Variants in PATJ observed in about 807,000 individuals in gnomAD.
The protein encoded by PATJ is inaD-like protein.
PATJ carries 190 observed loss-of-function variants against 224.9 expected under a neutral mutation model. The ratio of observed to expected loss-of-function variants is 0.84; its 90% confidence interval spans 0.75 to 0.95. The LOEUF (loss-of-function observed/expected upper bound fraction) is 0.95, where lower values mean the gene tolerates loss of function less well. PATJ is among the 40% of genes least tolerant of loss of function. The pLI is 0.00. For missense variants in PATJ, 2,121 were observed against 2,270.3 expected (o/e 0.93, Z 1.34); for synonymous variants, 769 against 820.3 (o/e 0.94, Z 1.07).
At position 61,875,351 on chromosome 1, in the gene PATJ, A is replaced by C. The variant is rs754966939; in HGVS notation, c.2944A>C (p.Thr982Pro). Residue 982 changes from threonine to proline, a missense_variant, in exon 21 of 44, where the codon ACT becomes CCT. Coordinates refer to ENST00000642238, the MANE Select transcript of PATJ (RefSeq NM_001350145.3). ...DLENLNSLAK[T>P]SLDLGMIPND... ...GGAAAATCTTAATTCATTAGCAAAA[A>C]CTAGTCTGGATTTAGGTTTGTGACT... 1.9e-5 allele frequency: 31 copies of C among 1,608,876 alleles called. No homozygotes were observed. Among genetic ancestry groups the C allele is most frequent in the Non-Finnish European group, 2.6e-5 (31 of 1,178,138 alleles).
intron 27 of PATJ, among the ~76,000 whole-genome samples, chr1:61,972,678 A>G (rs546095912): frequency 6.6e-6 from 1 of 152,116 alleles, no homozygotes; most frequent in Admixed American, 6.5e-5. Context: ...CTTCTGGTAC[A>G]TATAACTACT....
intron 12 of PATJ, 108 bp downstream of exon 12, chr1:61,801,877 A>G (rs1245792582): frequency 1.4e-6 from 1 of 713,106 alleles, no homozygotes; most frequent in Non-Finnish European, 2.1e-6. Flanking sequence ...TTTTGGAGAC[A>G]TAAAATAGGA....
chr1:61,927,808 G>C lies in PATJ; in HGVS notation c.3649G>C (p.Glu1217Gln). The C allele has an allele frequency of 6.2e-7, 1 of 1,612,940 alleles. No individual in the cohort carries two copies. The highest frequency in any genetic ancestry group is 2.2e-5 in the East Asian group (1 of 44,832). Residue 1217 changes from glutamate (E) to glutamine (Q), a missense_variant, in exon 27 of 44, where the codon GAA becomes CAA. By Grantham distance (29) the Glu-to-Gln change is conservative. Transcript: ENST00000642238. ...ALTDDSDENE[E>Q]EDAFTDQKIR... The stretch of plus-strand genomic sequence containing the variant: ...GACTGATGACAGTGATGAAAATGAA[G>C]AAGAAGATGCCTTTACCGACCGTGA...
At chr1:61,791,557 C>A in intron 9 of PATJ, 110 bp downstream of exon 9, 1 of 648,162 alleles carries the variant, frequency 1.5e-6, no homozygotes, top group Non-Finnish European at 2.6e-6. Flanking sequence ...AACAATAAAA[C>A]CATGAGTCTA....
intron 28 of PATJ, among the ~76,000 whole-genome samples, chr1:62,012,395 C>T (rs542609345): frequency 2.0e-5 from 3 of 152,224 alleles, no homozygotes; most frequent in African/African-American, 2.4e-5. Context: ...GAGTTTAGCA[C>T]GGTGTTCTGC....
chr1:62,157,073 C>T (rs1669300122), intron 43 of PATJ, among the ~76,000 whole-genome samples: 1 of 152,042 alleles, frequency 6.6e-6, no homozygotes, highest in Non-Finnish European at 1.5e-5. Context: ...CCTGTAATCC[C>T]AGCACTTTGG....
At chr1:62,028,513 T>C (rs1462762549) in intron 29 of PATJ, among the ~76,000 whole-genome samples, 1 of 152,172 alleles carries the variant, frequency 6.6e-6, no homozygotes, top group Non-Finnish European at 1.5e-5. Context: ...GTGTGGTGGC[T>C]CACGCCTGTC....
At chr1:62,148,141 A>AAAAAAAAAAAT in intron 41 of PATJ, 143 bp from the exon 42 acceptor site, 3 of 471,914 alleles carry the variant, frequency 6.4e-6, no homozygotes, top group Non-Finnish European at 7.8e-6. Context: ...AAAAAAAAAA[A>AAAAAAAAAAAT]GTTTGAGAGA....
intron 14 of PATJ, among the ~76,000 whole-genome samples, chr1:61,813,351 A>G (rs1323505264): frequency 4.9e-5 from 2 of 41,098 alleles, no homozygotes; most frequent in Admixed American, 6.6e-4. Flanking sequence ...ATATATATAT[A>G]TATATATATA....
intron 32 of PATJ, 123 bp from the exon 33 acceptor site, chr1:62,084,392 T>G (rs1570513087): frequency 1.0e-6 from 1 of 999,760 alleles, no homozygotes; most frequent in South Asian, 2.0e-5. Flanking sequence ...TGCTTCATGG[T>G]GTTTGGCAGG....
chr1:61,997,070 TA>T (rs1645410305), intron 28 of PATJ, among the ~76,000 whole-genome samples: 1 of 148,166 alleles, frequency 6.7e-6, no homozygotes, highest in African/African-American at 2.5e-5. Context: ...GCTAAAAGTG[TA>T]AAAATAAATT....
chr1:62,117,044 T>G, intron 36 of PATJ, 88 bp from the exon 37 acceptor site: 1 of 1,081,814 alleles, frequency 9.2e-7, no homozygotes, highest in Non-Finnish European at 1.4e-6. Flanking sequence ...CTTTTATAAT[T>G]TGTGGCTGCA....
At chr1:61,906,199 G>A (rs1414496750) in intron 24 of PATJ, among the ~76,000 whole-genome samples, 1 of 152,174 alleles carries the variant, frequency 6.6e-6, no homozygotes, top group Non-Finnish European at 1.5e-5. Context: ...ATGCAGAGGA[G>A]GGCACAGAGC....
chr1:61,750,905 C>A (rs1645286187), intron 1 of PATJ, among the ~76,000 whole-genome samples: 1 of 152,124 alleles, frequency 6.6e-6, no homozygotes, highest in African/African-American at 2.4e-5. Flanking sequence ...TGAACCCCTT[C>A]CCCATGGAAT....
At position 61,791,333 on chromosome 1, in the gene PATJ, GT is replaced by G; in HGVS notation, c.1069-9del. On this transcript the variant is annotated splice_polypyrimidine_tract_variant and intron_variant, in intron 8 of 43. Transcript: ENST00000642238. ...CCACTAAGCATATATAATTAAATTTGTTTTTTCCTTTTAGGACAGTTCTCTT... is the reference window on the plus strand; with the variant it reads ...CCACTAAGCATATATAATTAAATTTGTTTTTCCTTTTAGGACAGTTCTCTT... The G allele has an allele frequency of 6.7e-7, 1 of 1,497,722 alleles. No homozygotes were observed. Among genetic ancestry groups the G allele is most frequent in the Non-Finnish European group, 9.3e-7 (1 of 1,075,770 alleles). The allele number at this position is 1,497,722 out of a possible 1,614,324, so 92.8% of individuals were successfully genotyped here.
intron 17 of PATJ, among the ~76,000 whole-genome samples, chr1:61,855,284 A>G (rs916445842): frequency 7.2e-5 from 11 of 152,234 alleles, no homozygotes; most frequent in African/African-American, 2.2e-4. Flanking sequence ...GGTCCAGCCA[A>G]ATATCAATCA....
At chr1:61,971,086 G>T (rs567594909) in intron 27 of PATJ, among the ~76,000 whole-genome samples, 25 of 152,092 alleles carry the variant, frequency 1.6e-4, no homozygotes, top group Non-Finnish European at 3.2e-4. Context: ...TCTTTATTTT[G>T]ATCATCTTAC....
intron 7 of PATJ, among the ~76,000 whole-genome samples, chr1:61,777,724 T>TTTTTTC (rs765662896): frequency 2.4e-4 from 25 of 106,036 alleles, no homozygotes; most frequent in East Asian, 1.4e-3. Context: ...TTTTTTTTTT[T>TTTTTTC]TTTAGCATAG....
intron 29 of PATJ, among the ~76,000 whole-genome samples, chr1:62,028,176 G>C (rs916280946): frequency 6.6e-6 from 1 of 152,104 alleles, no homozygotes; most frequent in African/African-American, 2.4e-5. Context: ...TATAAAGGAA[G>C]GCTATGACTT....
Sources: gnomAD v4.1 joint callset for allele counts (sites outside exome capture counted in the v4.1 genomes callset) on GRCh38, gnomAD v4.1.1 for gene constraint, MANE v1.5 for transcripts, NCBI Gene and HGNC (gene_info 2026-07-23, HGNC 2026-07-21) for gene names.